PCDHA2: variants seen among roughly 807,000 people sequenced by gnomAD.
PCDHA2 encodes the protein protocadherin alpha-2.
Under a neutral mutation model 66.0 loss-of-function variants are expected in PCDHA2, and 58 were observed. The observed-to-expected ratio is 0.88, with a 90% CI of 0.71 to 1.09. The LOEUF is 1.09. PCDHA2 is among the 50% of genes least tolerant of loss of function. The pLI, the probability that PCDHA2 is intolerant of heterozygous loss-of-function variation, is 0.00. For missense variants in PCDHA2, 1,267 were observed against 1,242.3 expected, an observed-to-expected ratio of 1.02 and a Z score of -0.30; for synonymous variants, 634 against 554.0, an observed-to-expected ratio of 1.14 and a Z score of -2.03.
At chr5:140,984,788 T>C (rs2097121100) in intron 3 of PCDHA2, among the ~76,000 whole-genome samples, 1 of 152,292 alleles carries the variant, frequency 6.6e-6, no homozygotes, top group Non-Finnish European at 1.5e-5. Context: ...TGGGTGAGCA[T>C]AGACAAACTG....
At chr5:140,829,702 G>C in intron 1 of PCDHA2, 4 of 1,613,390 alleles carry the variant, frequency 2.5e-6, no homozygotes, top group Non-Finnish European at 3.4e-6. Context: ...AGGTGAGCGC[G>C]CGCGACGCGG....
At chr5:140,854,066 G>A (rs1554146981) in intron 1 of PCDHA2, 1 of 273,774 alleles carries the variant, frequency 3.7e-6, no homozygotes, top group Non-Finnish European at 5.6e-6. Context: ...GGAGGCTGAG[G>A]CGAGAGAATC....
chr5:140,869,488 A>C, intron 1 of PCDHA2: 1 of 1,614,132 alleles, frequency 6.2e-7, no homozygotes. Context: ...CATTAACGAC[A>C]ACCCGCCGGT....
chr5:140,796,109 A>C lies in PCDHA2; in HGVS notation c.1145A>C (p.Asn382Thr), dbSNP rs1762036007. The change falls in exon 1 of 4, where the codon AAT (asparagine) becomes ACT (threonine). Residue 382 changes from asparagine (N) to threonine (T), a missense_variant. Transcript: ENST00000526136. Reference sequence around the variant, plus strand: ...GTGTCGGATCGCGACTCTGGTACGAATGGACATGTCACCTGCTCCCTGACG... The same window carrying C: ...GTGTCGGATCGCGACTCTGGTACGACTGGACATGTCACCTGCTCCCTGACG... Reference protein sequence around the residue: ...ITVSDRDSGTNGHVTCSLTPH... With the variant: ...ITVSDRDSGTTGHVTCSLTPH... 6.2e-7 allele frequency: 1 copy of C among 1,614,072 alleles called. No homozygotes were observed. Among genetic ancestry groups the C allele is most frequent in the Non-Finnish European group, 8.5e-7 (1 of 1,180,042 alleles).
chr5:140,920,747 G>A (rs565649077), intron 1 of PCDHA2, among the ~76,000 whole-genome samples: 10 of 152,052 alleles, frequency 6.6e-5, no homozygotes, highest in African/African-American at 2.4e-4. Context: ...AGGAGGCTGA[G>A]GCAGGAGAAT....
At chr5:140,928,681 TC>T (rs782384924) in intron 1 of PCDHA2, 4 of 1,614,062 alleles carry the variant, frequency 2.5e-6, no homozygotes. Flanking sequence ...TGCCTGGCTT[TC>T]CTACCACATC....
intron 1 of PCDHA2, among the ~76,000 whole-genome samples, chr5:140,954,531 G>A (rs564993313): frequency 4.6e-5 from 7 of 152,218 alleles, no homozygotes; most frequent in African/African-American, 1.4e-4. Context: ...GTGATGTTGA[G>A]GTTTTTTTCA....
intron 1 of PCDHA2, among the ~76,000 whole-genome samples, chr5:140,969,915 GC>G (rs1181399848): frequency 2.0e-5 from 3 of 152,192 alleles, no homozygotes; most frequent in African/African-American, 7.2e-5. Flanking sequence ...AAGTGATAAA[GC>G]TGTAGTATTT....
At chr5:140,926,946 A>G in intron 1 of PCDHA2, 1 of 1,590,228 alleles carries the variant, frequency 6.3e-7, no homozygotes. Context: ...GCGGCGCTGC[A>G]GCGGGACAGC....
intron 1 of PCDHA2, among the ~76,000 whole-genome samples, chr5:140,800,112 C>T (rs552982615): frequency 1.3e-4 from 20 of 152,128 alleles, no homozygotes; most frequent in African/African-American, 4.6e-4. Context: ...TCATCAAAAA[C>T]GTAATTACTT....
At chr5:140,910,154 G>A (rs575042155) in intron 1 of PCDHA2, among the ~76,000 whole-genome samples, 234 of 152,310 alleles carry the variant, frequency 1.5e-3, no homozygotes, top group African/African-American at 4.9e-3. Flanking sequence ...ATTGATTGAG[G>A]GGAAATTGAT....
intron 1 of PCDHA2, among the ~76,000 whole-genome samples, chr5:140,960,837 G>A (rs1554225051): frequency 6.6e-6 from 1 of 151,456 alleles, no homozygotes; most frequent in African/African-American, 2.5e-5. Flanking sequence ...ACTTGGAACA[G>A]GTTTAATGGC....
chr5:140,930,072 C>G (rs2086579078), intron 1 of PCDHA2: 1 of 152,132 alleles, frequency 6.6e-6, no homozygotes, highest in Admixed American at 6.5e-5. Flanking sequence ...AACTGTAAGC[C>G]TCTCTCATAA....
At chr5:140,875,130 C>T (rs2055283720) in intron 1 of PCDHA2, among the ~76,000 whole-genome samples, 1 of 151,894 alleles carries the variant, frequency 6.6e-6, no homozygotes, top group Admixed American at 6.6e-5. Context: ...TAACTAAACC[C>T]GCATTTATAA....
intron 1 of PCDHA2, among the ~76,000 whole-genome samples, chr5:140,972,402 G>A (rs1554234110): frequency 6.6e-6 from 1 of 151,784 alleles, no homozygotes; most frequent in Non-Finnish European, 1.5e-5. Context: ...TTCACTATTG[G>A]CAAACCCTGT....
At chr5:140,927,130 C>T (rs1554204065) in intron 1 of PCDHA2, 6 of 1,614,032 alleles carry the variant, frequency 3.7e-6, no homozygotes, top group African/African-American at 1.3e-5. Flanking sequence ...GGTCAGAGAG[C>T]CGGCGGACCG....
chr5:140,871,698 C>A, intron 1 of PCDHA2: 2 of 905,580 alleles, frequency 2.2e-6, no homozygotes, highest in Non-Finnish European at 3.2e-6. Context: ...GCTTCTTTAA[C>A]CAATAAATGT....
rs2150317144 is a variant in PCDHA2 at position 140,841,514 on chromosome 5, CG to C, written c.2388+44165del. ...GGCGGAGCTGGTGCCGCGCCTGTTC[CG>C]GGTGGCGTCCAAAAGACACCGGGAC... On this transcript the variant is annotated intron_variant, in intron 1 of 3. Transcript: ENST00000526136. 3,465 of 1,613,482 alleles carry C rather than the reference CG, an allele frequency of 2.1e-3. 25 individuals carry two copies. Among genetic ancestry groups the C allele is most frequent in the Non-Finnish European group, 2.6e-3 (3,065 of 1,179,942 alleles).
chr5:140,994,892 G>A (rs1554254386), intron 3 of PCDHA2, among the ~76,000 whole-genome samples: 2 of 152,192 alleles, frequency 1.3e-5, no homozygotes, highest in Non-Finnish European at 2.9e-5. Flanking sequence ...TAGGAAATGA[G>A]ATCAGAAATG....
Sources: gnomAD v4.1 joint callset for allele counts (sites outside exome capture counted in the v4.1 genomes callset) on GRCh38, gnomAD v4.1.1 for gene constraint, MANE v1.5 for transcripts, NCBI Gene and HGNC (gene_info 2026-07-23, HGNC 2026-07-21) for gene names.